The following COL3A1 variants were observed in gnomAD, a reference collection of about 807,000 sequenced individuals.
COL3A1 encodes collagen alpha-1(III) chain.
Under a neutral mutation model 200.9 loss-of-function variants are expected in COL3A1, and 46 were observed. The observed-to-expected ratio is 0.23, with a 90% CI of 0.18 to 0.29. The LOEUF is 0.29. Among genes scored for constraint, COL3A1 ranks in the 10% least tolerant of loss-of-function variants. The pLI is 1.00. For missense variants in COL3A1, 1,367 were observed against 1,917.6 expected, an observed-to-expected ratio of 0.71 and a Z score of 5.36; for synonymous variants, 650 against 628.0, an observed-to-expected ratio of 1.03 and a Z score of -0.52.
At chr2:189,003,205 A>T in intron 36 of COL3A1, 143 bp downstream of exon 36, 1 of 816,862 alleles carries the variant, frequency 1.2e-6, no homozygotes. Context: ...GTTTATCAGT[A>T]ATTTAATATT....
intron 47 of COL3A1, 135 bp downstream of exon 47, chr2:189,008,277 T>A: frequency 2.6e-6 from 2 of 772,640 alleles, no homozygotes; most frequent in South Asian, 1.5e-5. Flanking sequence ...ACAATGACTT[T>A]AAGACATTCT....
chr2:188,978,512 A>C (rs1254569172), intron 1 of COL3A1, among the ~76,000 whole-genome samples: 1 of 152,018 alleles, frequency 6.6e-6, no homozygotes, highest in African/African-American at 2.4e-5. Flanking sequence ...GCAGAGTTCC[A>C]AAAATTATGT....
chr2:189,011,070 A>T (rs1050700553), intron 50 of COL3A1, among the ~76,000 whole-genome samples, 180 bp downstream of exon 50: 1 of 152,236 alleles, frequency 6.6e-6, no homozygotes, highest in Non-Finnish European at 1.5e-5. Context: ...AACAAAATGG[A>T]TCTTAGCCTC....
chr2:189,010,842 T>A lies in COL3A1; in HGVS notation c.4206T>A (p.Ala1402=). 3 of 1,614,160 alleles carry A rather than the reference T, an allele frequency of 1.9e-6. No homozygotes were observed. The highest frequency in any genetic ancestry group is 2.5e-6 in the Non-Finnish European group (3 of 1,179,994). The change falls in exon 50 of 51, where the codon GCT becomes GCA. Residue 1402 remains alanine, a synonymous_variant. Transcript: ENST00000304636. ...LMGSNEGEFK[A]EGNSKFTYTV... ...GGTCAAATGAAGGTGAATTCAAGGC[T>A]GAAGGAAATAGCAAATTCACCTACA...
At position 189,009,094 on chromosome 2, in the gene COL3A1, T is replaced by C. The variant is rs1332611074; in HGVS notation, c.3696T>C (p.Asp1232=). The change falls in exon 48 of 51, where the codon GAT becomes GAC. Residue 1232 remains aspartate (D), a synonymous_variant. Coordinates refer to ENST00000304636, the MANE Select transcript of COL3A1 (RefSeq NM_000090.4). The part of the protein sequence containing the change: ...DEPMDFKINT[D]EIMTSLKSVN... ...CAATGGATTTCAAAATCAACACCGA[T>C]GAGATTATGACTTCACTCAAGTCTG... 2 of 1,613,914 alleles carry C rather than the reference T, an allele frequency of 1.2e-6. No individual in the cohort carries two copies. The highest frequency in any genetic ancestry group is 8.5e-7 in the Non-Finnish European group (1 of 1,179,786).
chr2:188,977,470 A>C (rs1439857791), intron 1 of COL3A1, among the ~76,000 whole-genome samples: 1 of 152,056 alleles, frequency 6.6e-6, no homozygotes, highest in Non-Finnish European at 1.5e-5. Context: ...CTCAGGTAAC[A>C]TTCAAGTTTT....
At chr2:188,974,612 T>C in intron 1 of COL3A1, 44 bp downstream of exon 1, 6 of 1,508,078 alleles carry the variant, frequency 4.0e-6, no homozygotes, top group Non-Finnish European at 5.5e-6. Context: ...GATTTTTGTC[T>C]TTCTTCTCCT....
intron 41 of COL3A1, chr2:189,005,701 G>A (rs1688569617): frequency 2.0e-6 from 1 of 506,772 alleles, no homozygotes; most frequent in South Asian, 2.0e-5. Flanking sequence ...TAGGAAAAAA[G>A]TTAGTGGGGA....
Position 189,011,815 on chromosome 2 carries a change from C to A in COL3A1, c.*41C>A, listed in dbSNP as rs1350279993. 6 of 1,608,644 alleles carry A rather than the reference C, an allele frequency of 3.7e-6. No homozygotes were observed. The highest frequency in any genetic ancestry group is 4.3e-6 in the Non-Finnish European group (5 of 1,175,314). On this transcript the variant is annotated 3_prime_UTR_variant, in exon 51 of 51. Transcript: ENST00000304636. ...AAATCCCAACAAAAAAAATTTAACT[C>A]CATATGTGTTCCTCTTGTTCTAATC...
rs1216668790 is a variant in COL3A1, at chr2:189,002,400, T to C, written c.2445+49T>C. ...CATGTCCCATAGCCCAGGATCTCTA[T>C]CTTGCTGAAAAATTACAAAAGTATA... On this transcript the variant is annotated intron_variant, in intron 35 of 50. Coordinates refer to ENST00000304636, the MANE Select transcript of COL3A1 (RefSeq NM_000090.4). The C allele has an allele frequency of 3.2e-6, 5 of 1,554,136 alleles. No homozygotes were observed. In the East Asian group the frequency reaches 1.1e-4, roughly 35 times the overall value.
At chr2:188,987,790 T>A (rs1465765567) in intron 5 of COL3A1, among the ~76,000 whole-genome samples, 1 of 152,134 alleles carries the variant, frequency 6.6e-6, no homozygotes, top group Non-Finnish European at 1.5e-5. Flanking sequence ...GGGATTTTCA[T>A]AGCATTATGT....
chr2:188,998,393 C>G, intron 28 of COL3A1, 74 bp downstream of exon 28: 2 of 1,245,014 alleles, frequency 1.6e-6, no homozygotes, highest in Middle Eastern at 3.7e-4. Flanking sequence ...CTATTAACTT[C>G]TTAATTTTCT....
At chr2:188,981,437 T>C (rs933913298) in intron 1 of COL3A1, among the ~76,000 whole-genome samples, 1 of 151,550 alleles carries the variant, frequency 6.6e-6, no homozygotes. Context: ...AATTTAAAAT[T>C]AATTATAAAT....
Position 188,991,479 on chromosome 2 carries a change from G to A in COL3A1, c.853-8G>A, listed in dbSNP as rs777269218. On this transcript the variant is annotated splice_region_variant and splice_polypyrimidine_tract_variant and intron_variant, in intron 11 of 50. Transcript: ENST00000304636. ...TGTAAAATAGTAACATATTTTATAT[G>A]TATCTAGGGTGAAAATGGTCTTCCA... 3 of 1,580,306 alleles carry A rather than the reference G, an allele frequency of 1.9e-6. 1 individual carries two copies. In the South Asian group the frequency reaches 3.4e-5, roughly 18 times the overall value.
chr2:188,999,849 C>A lies in COL3A1; in HGVS notation c.2237C>A (p.Pro746Gln). The change falls in exon 32 of 51, where the codon CCA (proline) becomes CAA (glutamine). Residue 746 changes from proline (P) to glutamine (Q), a missense_variant. Pro to Gln is a moderately conservative substitution (Grantham distance 76). Around this residue, in one of 5 missense-constraint regions of COL3A1, gnomAD observed 846 missense variants for 1,147.9 expected, o/e 0.74. Coordinates refer to ENST00000304636, the MANE Select transcript of COL3A1 (RefSeq NM_000090.4). ...SPGPKGDKGE[P>Q]GGPGADGVPG... is the part of the protein sequence containing the mutation. ...TTGGCTTTTATTTGACAGGGTGAAC[C>A]AGGCGGTCCAGGTGCTGATGGTGTC... 1 of 1,595,818 alleles carries A rather than the reference C, an allele frequency of 6.3e-7. No homozygotes were observed. The highest frequency in any genetic ancestry group is 1.8e-5 in the Admixed American group (1 of 55,902).
In COL3A1 at chr2:188,998,309, C is replaced by G; in HGVS notation, c.1967C>G (p.Pro656Arg). ...TGGPPGENGK[P>R]GEPGPKGDAG... is the part of the protein sequence containing the mutation. ...GGTCCTCCAGGAGAAAATGGAAAAC[C>G]TGGGGAACCAGTAAGTTACGTTTCA... is the stretch of plus-strand genomic sequence containing the variant. Residue 656 changes from proline to arginine, a missense_variant, in exon 28 of 51, where the codon CCT (proline) becomes CGT (arginine). By Grantham distance (103) the Pro-to-Arg change is moderately radical (BLOSUM62 -2). Around this residue, in one of 5 missense-constraint regions of COL3A1, gnomAD observed 846 missense variants for 1,147.9 expected, o/e 0.74. Transcript: ENST00000304636. 1 of 1,613,680 alleles carries G rather than the reference C, an allele frequency of 6.2e-7. No homozygotes were observed. The highest frequency in any genetic ancestry group is 8.5e-7 in the Non-Finnish European group (1 of 1,179,754).
rs114532289 is a variant in COL3A1, at chr2:188,994,965, A to G, written c.1456-81A>G. On this transcript the variant is annotated intron_variant, in intron 20 of 50. Transcript: ENST00000304636. This position sits in a 1 kb window ranked among gnomAD's most constrained non-coding sequence, Gnocchi z 4.5. ...AATATTGTTTAAAGCATTCTATGAC[A>G]TAAAAATATTTGCCACTCAAGAATT... is the stretch of plus-strand genomic sequence containing the variant. The G allele has an allele frequency of 2.6e-4, 412 of 1,560,688 alleles. No homozygotes were observed. The African/African-American group carries it at 4.4e-3, about 17-fold the overall frequency.
chr2:188,991,218 C>T (rs1688181959), intron 11 of COL3A1, among the ~76,000 whole-genome samples, 161 bp downstream of exon 11: 1 of 152,096 alleles, frequency 6.6e-6, no homozygotes, highest in South Asian at 2.1e-4. Context: ...TCTATTAACG[C>T]TTCCATGAAA....
chr2:188,995,402 C>T lies in COL3A1; in HGVS notation c.1510-290C>T, dbSNP rs3106798. 0.36 allele frequency among the ~76,000 whole-genome samples: 54,153 copies of T among 152,098 alleles called. 11,614 individuals are homozygous for T. Among genetic ancestry groups the T allele is most frequent in the East Asian group, 0.61 (3,125 of 5,162 alleles). ...GTCTTTGAAAACTCTAAGGTTACAT[C>T]AAATATGATTTCATAGCATTAAGAT... On this transcript the variant is annotated intron_variant, in intron 21 of 50. Transcript: ENST00000304636.
Sources: gnomAD v4.1 joint callset for allele counts (sites outside exome capture counted in the v4.1 genomes callset) on GRCh38, gnomAD v4.1.1 for gene constraint, gnomAD v4.1.1 regional missense constraint, Gnocchi (gnomAD v3.1) non-coding constraint, MANE v1.5 for transcripts, NCBI Gene and HGNC (gene_info 2026-07-23, HGNC 2026-07-21) for gene names.